The following CHD1L variants were observed in gnomAD, a reference collection of about 807,000 sequenced individuals.
CHD1L encodes the protein chromodomain helicase DNA binding protein 1 like.
CHD1L carries 118 observed loss-of-function variants against 115.9 expected under a neutral mutation model. The observed-to-expected ratio is 1.02, with a 90% CI of 0.88 to 1.19. The LOEUF (loss-of-function observed/expected upper bound fraction) is 1.19, where lower values mean the gene tolerates loss of function less well. CHD1L is among the 50% of genes most tolerant of loss of function. The pLI, the probability that CHD1L is intolerant of heterozygous loss-of-function variation, is 0.00. For missense variants in CHD1L, 1,179 were observed against 1,065.3 expected (o/e 1.11, Z -1.49); for synonymous variants, 411 against 387.1 (o/e 1.06, Z -0.72).
chr1:147,266,114 G>A, intron 8 of CHD1L, 27 bp downstream of exon 8: 1 of 1,585,134 alleles, frequency 6.3e-7, no homozygotes, highest in Non-Finnish European at 8.6e-7. Flanking sequence ...TGTCCATTTA[G>A]AAACTAAATG....
chr1:147,195,822 A>G, the CHD1L span, among the ~76,000 whole-genome samples: 3 of 152,288 alleles, frequency 2.0e-5, no homozygotes, highest in Admixed American at 6.5e-5. Context: ...TCTTTCTACA[A>G]GTACTCTAAC....
At chr1:147,235,500 C>T in the CHD1L span, among the ~76,000 whole-genome samples, 1 of 152,062 alleles carries the variant, frequency 6.6e-6, no homozygotes, top group Non-Finnish European at 1.5e-5. Context: ...AATTAGGAAG[C>T]CTAATTAGAC....
At chr1:147,202,111 G>A in the CHD1L span, among the ~76,000 whole-genome samples, 7 of 152,250 alleles carry the variant, frequency 4.6e-5, no homozygotes. Flanking sequence ...CACAGCCTAG[G>A]ATTTTAGAAT....
chr1:147,241,048 AGGG>A (rs1553930765), upstream of CHD1L, among the ~76,000 whole-genome samples: 1 of 151,862 alleles, frequency 6.6e-6, no homozygotes, highest in African/African-American at 2.4e-5. Context: ...ACAAGTGTGG[AGGG>A]GCAGGCCACC....
At chr1:147,294,342 A>T (rs1339955045) in intron 21 of CHD1L, 67 bp from the exon 22 acceptor site, 1 of 1,045,924 alleles carries the variant, frequency 9.6e-7, no homozygotes, top group African/African-American at 1.6e-5. Flanking sequence ...ATTTTCTCCC[A>T]TGTGTATTTT....
the CHD1L span, among the ~76,000 whole-genome samples, chr1:147,232,230 T>C: frequency 6.6e-6 from 1 of 152,206 alleles, no homozygotes; most frequent in Non-Finnish European, 1.5e-5. Context: ...GAGCTATTTG[T>C]TCAGTAGTAA....
At chr1:147,212,500 G>A in the CHD1L span, 12 of 1,613,654 alleles carry the variant, frequency 7.4e-6, no homozygotes, top group African/African-American at 4.0e-5. Context: ...TTATAGTCTC[G>A]ACTGTGGAAG....
upstream of CHD1L, among the ~76,000 whole-genome samples, chr1:147,242,433 A>T (rs994541174): frequency 2.0e-5 from 3 of 152,244 alleles, no homozygotes; most frequent in Admixed American, 6.5e-5. Flanking sequence ...CAGTTCAGGC[A>T]ATCAGACGTC....
chr1:147,280,354 A>C (rs587744120), intron 15 of CHD1L, among the ~76,000 whole-genome samples, 163 bp downstream of exon 15: 1 of 152,108 alleles, frequency 6.6e-6, no homozygotes, highest in African/African-American at 2.4e-5. Context: ...AAAGAACGTT[A>C]CCCAAACTAA....
intron 1 of CHD1L, among the ~76,000 whole-genome samples, chr1:147,250,530 A>G (rs187642999): frequency 1.1e-3 from 173 of 152,112 alleles, no homozygotes; most frequent in African/African-American, 3.9e-3. Context: ...CTGAGTCTCT[A>G]CTGATCCTGC....
At chr1:147,286,707 C>T (rs1683275996) in intron 18 of CHD1L, among the ~76,000 whole-genome samples, 1 of 152,192 alleles carries the variant, frequency 6.6e-6, no homozygotes, top group South Asian at 2.1e-4. Flanking sequence ...AACCTTTCAA[C>T]TTCAACTTCC....
At position 147,254,934 on chromosome 1, in the gene CHD1L, G is replaced by T; in HGVS notation, c.305G>T (p.Cys102Phe). The T allele has an allele frequency of 1.2e-6, 2 of 1,610,412 alleles. No homozygotes were observed. The highest frequency in any genetic ancestry group is 1.7e-6 in the Non-Finnish European group (2 of 1,178,648). ...LNDEGPFLIL[C>F]PLSVLSNWKE... is the part of the protein sequence containing the mutation. The stretch of plus-strand genomic sequence containing the variant: ...GATGAAGGGCCATTTCTGATTCTTT[G>T]TCCCTTGTCTGTTTTGAGCAACTGG... Residue 102 changes from cysteine (C) to phenylalanine (F), a missense_variant, in exon 3 of 23, where the codon TGT (cysteine) becomes TTT (phenylalanine). Coordinates refer to ENST00000369258, the MANE Select transcript of CHD1L (RefSeq NM_004284.6).
At chr1:147,204,710 C>A in the CHD1L span, 403 of 1,525,670 alleles carry the variant, frequency 2.6e-4, 2 homozygotes, top group East Asian at 8.7e-3. Flanking sequence ...ACTTCTAGTT[C>A]TCTTAAAATA....
the CHD1L span, chr1:147,178,260 CGTCGA>C: frequency 6.2e-7 from 1 of 1,613,644 alleles, no homozygotes; most frequent in Non-Finnish European, 8.5e-7. Flanking sequence ...GCCTCATGCT[CGTCGA>C]GTTCTTCGCC....
the CHD1L span, among the ~76,000 whole-genome samples, chr1:147,176,704 C>G: frequency 3.3e-5 from 5 of 152,162 alleles, no homozygotes; most frequent in Non-Finnish European, 7.3e-5. Flanking sequence ...ATCTCAACAT[C>G]TTCATTAACT....
At chr1:147,293,069 G>C (rs1443841385) in intron 20 of CHD1L, among the ~76,000 whole-genome samples, 2 of 152,194 alleles carry the variant, frequency 1.3e-5, no homozygotes, top group African/African-American at 4.8e-5. Context: ...AGGGAGTAGA[G>C]CACCATGTCT....
At chr1:147,293,571 C>A in intron 20 of CHD1L, 37 bp from the exon 21 acceptor site, 2 of 1,569,696 alleles carry the variant, frequency 1.3e-6, no homozygotes, top group Non-Finnish European at 8.8e-7. Flanking sequence ...GTGGCTGTTT[C>A]ATGTTGGGTT....
the CHD1L span, among the ~76,000 whole-genome samples, chr1:147,198,319 A>C: frequency 6.6e-6 from 1 of 152,174 alleles, no homozygotes. Context: ...CTTGCAATAC[A>C]AAGGCAAATA....
the CHD1L span, among the ~76,000 whole-genome samples, chr1:147,218,501 G>T: frequency 6.6e-6 from 1 of 152,112 alleles, no homozygotes; most frequent in Non-Finnish European, 1.5e-5. Flanking sequence ...CTCCCAAAGT[G>T]CTGGGATTAC....
Sources: allele counts gnomAD v4.1 joint callset (sites outside exome capture counted in the v4.1 genomes callset), GRCh38; gene constraint gnomAD v4.1.1; transcripts MANE v1.5; gene names NCBI Gene and HGNC (gene_info 2026-07-23, HGNC 2026-07-21).